The following KIF3C variants were observed in gnomAD, a reference collection of about 807,000 sequenced individuals.
KIF3C encodes the protein kinesin-like protein KIF3C.
A neutral mutation model predicts 67.7 loss-of-function variants in KIF3C; 12 were observed. That is an observed-to-expected ratio of 0.18 (90% CI 0.11 to 0.29). The LOEUF (loss-of-function observed/expected upper bound fraction) is 0.29, where lower values mean the gene tolerates loss of function less well. KIF3C is among the 10% of genes least tolerant of loss of function. KIF3C has a pLI of 1.00. For synonymous variants in KIF3C, 393 were observed against 426.2 expected (o/e 0.92, Z 0.96); for missense variants, 789 against 1,059.6 (o/e 0.74, Z 3.55).
At chr2:25,954,417 C>A in intron 3 of KIF3C, 32 bp from the exon 4 acceptor site, 1 of 1,555,748 alleles carries the variant, frequency 6.4e-7, no homozygotes, top group Non-Finnish European at 8.8e-7. Context: ...TCAGAGGCTG[C>A]TTGGTGTGGC....
chr2:25,956,246 A>C, intron 2 of KIF3C, 97 bp downstream of exon 2: 5 of 878,808 alleles, frequency 5.7e-6, no homozygotes, highest in African/African-American at 1.7e-5. Context: ...CTGTAATTCC[A>C]GAGATCCAGA....
At chr2:25,967,807 C>T (rs1664183187) in intron 1 of KIF3C, among the ~76,000 whole-genome samples, 1 of 152,136 alleles carries the variant, frequency 6.6e-6, no homozygotes, top group African/African-American at 2.4e-5. Context: ...GCCTAGGTGA[C>T]AGAGTGAGAC....
At chr2:25,929,595 G>A (rs2090440826) in intron 6 of KIF3C, 118 bp from the exon 7 acceptor site, 2 of 780,046 alleles carry the variant, frequency 2.6e-6, no homozygotes, top group South Asian at 1.7e-5. Context: ...CAGAGGCTGT[G>A]AGCATCCCCT....
Position 25,951,850 on chromosome 2 carries a change from G to C in KIF3C, c.1945C>G (p.Arg649Gly). The change falls in exon 5 of 8, where the codon CGG becomes GGG. Residue 649 changes from arginine to glycine, a missense_variant. By Grantham distance (125) the Arg-to-Gly change is moderately radical. Around this residue, in one of 2 missense-constraint regions of KIF3C, gnomAD observed 648 missense variants for 807.8 expected, o/e 0.80. Coordinates refer to ENST00000264712, the MANE Select transcript of KIF3C (RefSeq NM_002254.8). ...PPEEKNKIMN[R>G]LFLDCEEEQW... ...TCCTCCTCACAGTCCAGGAAAAGCCGGTTCATGATCTTGTTCTTCTCCTCC... is the reference window on the plus strand; with the variant it reads ...TCCTCCTCACAGTCCAGGAAAAGCCCGTTCATGATCTTGTTCTTCTCCTCC... 6.2e-7 allele frequency: 1 copy of C among 1,614,074 alleles called. No individual in the cohort carries two copies. Among genetic ancestry groups the C allele is most frequent in the Non-Finnish European group, 8.5e-7 (1 of 1,179,962 alleles).
intron 5 of KIF3C, among the ~76,000 whole-genome samples, chr2:25,931,159 C>G (rs1408347414): frequency 2.0e-5 from 3 of 151,970 alleles, no homozygotes; most frequent in Non-Finnish European, 4.4e-5. Context: ...CACTAGAGGT[C>G]TTAAAACGTA....
At chr2:25,951,562 T>G (rs1229344327) in intron 5 of KIF3C, 8 of 479,602 alleles carry the variant, frequency 1.7e-5, no homozygotes, top group Non-Finnish European at 3.8e-6. Flanking sequence ...AGGTATTTTC[T>G]GCATCCCAGG....
intron 5 of KIF3C, among the ~76,000 whole-genome samples, chr2:25,932,816 G>A (rs1485236247): frequency 1.3e-5 from 2 of 150,688 alleles, no homozygotes; most frequent in Non-Finnish European, 3.0e-5. Flanking sequence ...CTGGGTGACA[G>A]AGTGAGACTC....
Position 25,955,450 on chromosome 2 carries a change from A to C in KIF3C, c.1770+91T>G. 8 of 1,472,850 alleles carry C rather than the reference A, an allele frequency of 5.4e-6. No homozygotes were observed. Among genetic ancestry groups the C allele is most frequent in the African/African-American group, 2.8e-5 (2 of 71,746 alleles). The allele number at this position is 1,472,850 out of a possible 1,614,324, so 91.2% of individuals were successfully genotyped here. ...ACTCAGGGGTTCAGCAGTTCCAGCC[A>C]AATGGGGAGGAGTCCCTGAAGCACA... On this transcript the variant is annotated intron_variant, in intron 3 of 7. Coordinates refer to ENST00000264712, the MANE Select transcript of KIF3C (RefSeq NM_002254.8). The surrounding 1 kb of genome is among the most constrained non-coding windows in gnomAD (Gnocchi z 5.0).
chr2:25,960,223 G>A (rs1559554554), intron 1 of KIF3C, among the ~76,000 whole-genome samples: 1 of 152,138 alleles, frequency 6.6e-6, no homozygotes, highest in East Asian at 1.9e-4. Context: ...GGGCAACATA[G>A]CAACGCCCTA....
At chr2:25,932,922 T>C (rs891654914) in intron 5 of KIF3C, among the ~76,000 whole-genome samples, 10 of 151,752 alleles carry the variant, frequency 6.6e-5, no homozygotes, top group Non-Finnish European at 1.5e-4. Context: ...CTATAGAACT[T>C]GCATAAGACG....
chr2:25,932,862 ACAAAAC>A (rs2090473701), intron 5 of KIF3C, among the ~76,000 whole-genome samples: 1 of 151,046 alleles, frequency 6.6e-6, no homozygotes, highest in Non-Finnish European at 1.5e-5. Flanking sequence ...ACAAAACAAA[ACAAAAC>A]AAAACAAAAC....
intron 1 of KIF3C, among the ~76,000 whole-genome samples, chr2:25,975,724 T>C (rs1217292940): frequency 2.0e-5 from 3 of 152,114 alleles, no homozygotes; most frequent in African/African-American, 4.8e-5. Context: ...TTTGGGAGGC[T>C]GAGGCGGGTG....
intron 1 of KIF3C, among the ~76,000 whole-genome samples, chr2:25,963,199 T>TTC (rs1664051339): frequency 3.3e-5 from 2 of 60,026 alleles, no homozygotes; most frequent in Non-Finnish European, 5.1e-5. Flanking sequence ...TATATATATT[T>TTC]TTTTTTTTTT....
At position 25,981,623 on chromosome 2, in the gene KIF3C, T is replaced by C. The variant is rs866271356; in HGVS notation, c.295A>G (p.Thr99Ala). The change falls in exon 1 of 8, where the codon ACG becomes GCG. Residue 99 changes from threonine to alanine, a missense_variant. By Grantham distance (58) the Thr-to-Ala change is moderately conservative. Around this residue, in one of 2 missense-constraint regions of KIF3C, gnomAD observed 141 missense variants for 251.8 expected, o/e 0.56. Transcript: ENST00000264712. The surrounding 1 kb of genome is among the most constrained non-coding windows in gnomAD (Gnocchi z 8.2). ...FNGTVFAYGQ[T>A]GTGKTYTMQG... ...ATGGTATAGGTCTTGCCAGTGCCCG[T>C]CTGGCCATAGGCAAACACCGTGCCA... 6.2e-7 allele frequency: 1 copy of C among 1,614,172 alleles called. No individual in the cohort carries two copies. Among genetic ancestry groups the C allele is most frequent in the Non-Finnish European group, 8.5e-7 (1 of 1,180,040 alleles).
Position 25,928,911 on chromosome 2 carries a change from G to T in KIF3C, c.*67C>A. ...CACGCACACGCACCAAGCGGCAGATGAGATGAGCCAGGGTTGGCTGCCCCA... is the reference window on the plus strand; with the variant it reads ...CACGCACACGCACCAAGCGGCAGATTAGATGAGCCAGGGTTGGCTGCCCCA... On this transcript the variant is annotated 3_prime_UTR_variant, in exon 8 of 8. Coordinates refer to ENST00000264712, the MANE Select transcript of KIF3C (RefSeq NM_002254.8). The T allele has an allele frequency of 7.4e-7, 1 of 1,353,570 alleles. No individual in the cohort carries two copies. Among genetic ancestry groups the T allele is most frequent in the Non-Finnish European group, 1.0e-6 (1 of 957,464 alleles). The allele number at this position is 1,353,570 out of a possible 1,614,324, so 83.8% of individuals were successfully genotyped here.
At chr2:25,930,653 T>A (rs2090451516) in intron 5 of KIF3C, among the ~76,000 whole-genome samples, 1 of 152,210 alleles carries the variant, frequency 6.6e-6, no homozygotes, top group Non-Finnish European at 1.5e-5. Context: ...TTCTTCTGTC[T>A]CAGCCTCCCG....
At chr2:25,975,183 C>T (rs1290903233) in intron 1 of KIF3C, among the ~76,000 whole-genome samples, 1 of 152,096 alleles carries the variant, frequency 6.6e-6, no homozygotes, top group Non-Finnish European at 1.5e-5. Flanking sequence ...CTTTTTAAGA[C>T]AGGGTTCCTC....
chr2:25,951,479 T>C (rs1663610699), intron 5 of KIF3C: 1 of 316,974 alleles, frequency 3.2e-6, no homozygotes, highest in African/African-American at 2.1e-5. Context: ...TCACCAGACC[T>C]GGCCAGATGT....
At chr2:25,965,203 G>A (rs755993956) in intron 1 of KIF3C, among the ~76,000 whole-genome samples, 121 of 152,254 alleles carry the variant, frequency 7.9e-4, no homozygotes, top group Non-Finnish European at 1.5e-3. Context: ...TCTCAGCCAA[G>A]CCTGGCTGAC....
Sources: allele counts gnomAD v4.1 joint callset (sites outside exome capture counted in the v4.1 genomes callset), GRCh38; gene constraint gnomAD v4.1.1; regional missense constraint gnomAD v4.1.1; non-coding constraint Gnocchi (gnomAD v3.1); transcripts MANE v1.5; gene names NCBI Gene and HGNC (gene_info 2026-07-23, HGNC 2026-07-21).